ZRANB1: variants seen among roughly 807,000 people sequenced by gnomAD.
The protein encoded by ZRANB1 is zinc finger RANBP2-type containing 1, also known as ubiquitin thioesterase ZRANB1.
ZRANB1 carries 16 observed loss-of-function variants against 80.5 expected under a neutral mutation model. The ratio of observed to expected loss-of-function variants is 0.20; its 90% CI spans 0.13 to 0.30. The LOEUF (loss-of-function observed/expected upper bound fraction) is 0.30, where lower values mean the gene tolerates loss of function less well. Among genes scored for constraint, ZRANB1 ranks in the 10% least tolerant of loss-of-function variants. ZRANB1 has a pLI of 1.00. For missense variants in ZRANB1, 576 were observed against 862.6 expected (o/e 0.67, Z 4.16); for synonymous variants, 291 against 293.1 (o/e 0.99, Z 0.07).
intron 2 of ZRANB1, among the ~76,000 whole-genome samples, 188 bp downstream of exon 2, chr10:124,966,969 T>C (rs1951782227): frequency 6.6e-6 from 1 of 152,266 alleles, no homozygotes; most frequent in South Asian, 2.1e-4. Flanking sequence ...AATATTTGAA[T>C]AGTCACAACA....
At chr10:124,922,549 A>G in the ZRANB1 span, among the ~76,000 whole-genome samples, 8 of 149,772 alleles carry the variant, frequency 5.3e-5, no homozygotes, top group East Asian at 1.6e-3. Context: ...CTGGAGTACA[A>G]TGGCACGATC....
intron 1 of ZRANB1, among the ~76,000 whole-genome samples, chr10:124,943,985 G>A (rs77497062): frequency 0.055 from 8,377 of 152,244 alleles, 752 homozygotes; most frequent in African/African-American, 0.19. Flanking sequence ...TGTAGTAAAT[G>A]TTTGCAAACT....
At chr10:124,982,814 G>A (rs920606892) in intron 6 of ZRANB1, among the ~76,000 whole-genome samples, 1 of 152,142 alleles carries the variant, frequency 6.6e-6, no homozygotes, top group Non-Finnish European at 1.5e-5. Context: ...GGAGGACTTT[G>A]TTGTAGGTAG....
chr10:124,940,879 A>T (rs763990120), upstream of ZRANB1, among the ~76,000 whole-genome samples: 12 of 152,126 alleles, frequency 7.9e-5, no homozygotes, highest in Non-Finnish European at 1.3e-4. Flanking sequence ...TGGGAGGCTG[A>T]GGCAGGAGAA....
intron 1 of ZRANB1, among the ~76,000 whole-genome samples, chr10:124,948,860 C>T (rs1951606799): frequency 2.0e-5 from 3 of 152,182 alleles, no homozygotes; most frequent in Admixed American, 2.0e-4. Flanking sequence ...ATTTTTATAT[C>T]AATGAACGAA....
the ZRANB1 span, among the ~76,000 whole-genome samples, chr10:124,920,094 T>A: frequency 1.3e-5 from 2 of 151,848 alleles, no homozygotes; most frequent in African/African-American, 4.8e-5. Flanking sequence ...GGCTAATTTT[T>A]GTATTTTTAG....
Position 124,987,596 on chromosome 10 carries a change from G to A in ZRANB1, c.*2604G>A, listed in dbSNP as rs966952595. The A allele has an allele frequency of 7.9e-5, 12 of 152,044 alleles. No homozygotes were observed. Among genetic ancestry groups the A allele is most frequent in the African/African-American group, 2.9e-4 (12 of 41,412 alleles). The allele number at this position is 152,044 out of a possible 1,614,324, so 9.4% of individuals were successfully genotyped here. A position where few individuals can be genotyped will look rare whatever the true frequency, so the allele number is the denominator to read the frequency against. On this transcript the variant is annotated 3_prime_UTR_variant, in exon 9 of 9. Coordinates refer to ENST00000359653, the MANE Select transcript of ZRANB1 (RefSeq NM_017580.3). Reference sequence around the variant, plus strand: ...TACGAAGACGTTAAACTACCTTTTTGTTCCCTGGGGTAATAGGTCAGTAAC... The same window carrying A: ...TACGAAGACGTTAAACTACCTTTTTATTCCCTGGGGTAATAGGTCAGTAAC...
intron 1 of ZRANB1, among the ~76,000 whole-genome samples, chr10:124,953,416 G>T (rs887758026): frequency 2.6e-5 from 4 of 152,070 alleles, no homozygotes; most frequent in Non-Finnish European, 5.9e-5. Context: ...ATGTTTGGGG[G>T]TTATTACTGG....
chr10:124,976,718 G>A (rs1476111890), intron 5 of ZRANB1, among the ~76,000 whole-genome samples: 1 of 151,384 alleles, frequency 6.6e-6, no homozygotes, highest in Non-Finnish European at 1.5e-5. Context: ...ATTACAGGTG[G>A]CGCCACCATA....
At chr10:124,935,457 C>T in the ZRANB1 span, among the ~76,000 whole-genome samples, 1 of 151,828 alleles carries the variant, frequency 6.6e-6, no homozygotes, top group East Asian at 1.9e-4. Context: ...CTTGGGGTCC[C>T]CTCTCCTCAT....
chr10:124,931,270 C>G, the ZRANB1 span, among the ~76,000 whole-genome samples: 6 of 151,976 alleles, frequency 3.9e-5, no homozygotes, highest in Non-Finnish European at 8.8e-5. Context: ...TGGAGTCTCA[C>G]TATGTTGCCC....
At chr10:124,947,325 A>G (rs1235538878) in intron 1 of ZRANB1, among the ~76,000 whole-genome samples, 1 of 152,214 alleles carries the variant, frequency 6.6e-6, no homozygotes, top group Non-Finnish European at 1.5e-5. Context: ...TAGGGCGGTC[A>G]TGTGAGCACT....
At chr10:124,926,243 A>G in the ZRANB1 span, among the ~76,000 whole-genome samples, 1 of 152,242 alleles carries the variant, frequency 6.6e-6, no homozygotes, top group Admixed American at 6.5e-5. Context: ...CTTTGGCTAC[A>G]CTAAGTTTAT....
At chr10:124,950,800 C>T (rs1022693104) in intron 1 of ZRANB1, among the ~76,000 whole-genome samples, 5 of 152,080 alleles carry the variant, frequency 3.3e-5, no homozygotes, top group East Asian at 1.9e-4. Flanking sequence ...GGCAACTTGG[C>T]GAGACCTCGT....
intron 1 of ZRANB1, among the ~76,000 whole-genome samples, chr10:124,963,111 C>T (rs1022380025): frequency 1.3e-5 from 2 of 151,790 alleles, no homozygotes; most frequent in South Asian, 2.1e-4. Flanking sequence ...ACTAAAAATA[C>T]AAAAATTAGC....
At position 124,987,192 on chromosome 10, in the gene ZRANB1, GATAGA is replaced by G. The variant is rs1383999358; in HGVS notation, c.*2204_*2208del. 6.6e-6 allele frequency: 1 copy of G among 152,472 alleles called. No homozygotes were observed. Among genetic ancestry groups the G allele is most frequent in the Non-Finnish European group, 1.5e-5 (1 of 68,018 alleles). 9.4% of individuals were successfully genotyped at this position (152,472 alleles called of 1,614,324 possible). A position where few individuals can be genotyped will look rare whatever the true frequency, so the allele number is the denominator to read the frequency against. On this transcript the variant is annotated 3_prime_UTR_variant, in exon 9 of 9. Transcript: ENST00000359653. ...AAAACAGCCATAATTATTGTCCCAA[GATAGA>G]ATATAGTCCTTTTTCAAAGATGATT... is the stretch of plus-strand genomic sequence containing the variant.
At chr10:124,916,958 C>G in the ZRANB1 span, among the ~76,000 whole-genome samples, 1 of 151,990 alleles carries the variant, frequency 6.6e-6, no homozygotes, top group Non-Finnish European at 1.5e-5. Flanking sequence ...GCCTCCCACA[C>G]CTCAGTGCCC....
chr10:124,971,571 C>T (rs1233210456), intron 2 of ZRANB1, among the ~76,000 whole-genome samples: 1 of 152,152 alleles, frequency 6.6e-6, no homozygotes, highest in East Asian at 1.9e-4. Flanking sequence ...TTTGCAGTTT[C>T]CCTTTATCAG....
chr10:124,951,921 C>T (rs1951641972), intron 1 of ZRANB1, among the ~76,000 whole-genome samples: 1 of 151,988 alleles, frequency 6.6e-6, no homozygotes, highest in Non-Finnish European at 1.5e-5. Flanking sequence ...CATGCCACCG[C>T]ACTCCAGCCC....
Sources: gnomAD v4.1 joint callset for allele counts (sites outside exome capture counted in the v4.1 genomes callset) on GRCh38, gnomAD v4.1.1 for gene constraint, MANE v1.5 for transcripts, NCBI Gene and HGNC (gene_info 2026-07-23, HGNC 2026-07-21) for gene names.